The following CRAT variants were observed in gnomAD, a reference collection of about 807,000 sequenced individuals.
The protein encoded by CRAT is carnitine O-acetyltransferase.
Under a neutral mutation model 73.7 loss-of-function variants are expected in CRAT, and 66 were observed. That is an observed-to-expected ratio of 0.90 (90% CI 0.73 to 1.10). The LOEUF is 1.10. CRAT is among the 50% of genes least tolerant of loss of function. CRAT has a pLI of 0.00. For synonymous variants in CRAT, 321 were observed against 343.2 expected (o/e 0.94, Z 0.71); for missense variants, 745 against 846.9 (o/e 0.88, Z 1.49).
chr9:129,104,052 A>G (rs972184550), intron 3 of CRAT, 136 bp downstream of exon 3: 1 of 602,330 alleles, frequency 1.7e-6, no homozygotes. Flanking sequence ...TTTGTAAAAT[A>G]GGGAGGATGC....
At chr9:129,108,107 C>T (rs1848135590) in intron 1 of CRAT, 30 bp from the exon 2 acceptor site, 2 of 1,498,546 alleles carry the variant, frequency 1.3e-6, no homozygotes, top group Admixed American at 2.2e-5. Context: ...CTGTTCATTC[C>T]CTCCCCGGCT....
rs1848013769 is a variant in CRAT, at chr9:129,106,344, G to A, written c.291+1470C>T. Among the ~76,000 whole-genome samples, 1 of 152,184 alleles carries A rather than the reference G, an allele frequency of 6.6e-6. No individual in the cohort carries two copies. Among genetic ancestry groups the A allele is most frequent in the Admixed American group, 6.5e-5 (1 of 15,274 alleles). ...CTCATCTGTAGATCAGTGAAGGGCA[G>A]ACAGGAGCTTCCTTCCCTTGGGGAA... On this transcript the variant is annotated intron_variant, in intron 2 of 13. Coordinates refer to ENST00000318080, the MANE Select transcript of CRAT (RefSeq NM_000755.5). The surrounding 1 kb of genome is among the most constrained non-coding windows in gnomAD (Gnocchi z 4.0).
intron 12 of CRAT, among the ~76,000 whole-genome samples, chr9:129,096,733 A>C (rs1237984785): frequency 6.6e-6 from 1 of 152,246 alleles, no homozygotes; most frequent in Non-Finnish European, 1.5e-5. Flanking sequence ...ACCTGGAACC[A>C]AGGCAGTTAC....
chr9:129,108,233 G>A (rs2131497586), intron 1 of CRAT, among the ~76,000 whole-genome samples, 156 bp from the exon 2 acceptor site: 1 of 152,252 alleles, frequency 6.6e-6, no homozygotes, highest in East Asian at 1.9e-4. Flanking sequence ...AGAGCTCTAG[G>A]TGTCCCCGCC....
At position 129,110,385 on chromosome 9, in the gene CRAT, G is replaced by C. The variant is rs1353367402; in HGVS notation, c.27+98C>G. 6.9e-6 allele frequency: 9 copies of C among 1,306,582 alleles called. No homozygotes were observed. The highest frequency in any genetic ancestry group is 3.0e-5 in the South Asian group (2 of 67,282). 80.9% of individuals were successfully genotyped at this position (1,306,582 alleles called of 1,614,324 possible). ...CACCCCATCAGCTGGAGGCCGGGTC[G>C]AACAGCGGCCGCAGGACGCGGTCTC... On this transcript the variant is annotated intron_variant, in intron 1 of 13. Transcript: ENST00000318080. The surrounding 1 kb of genome is among the most constrained non-coding windows in gnomAD (Gnocchi z 5.3).
Position 129,101,921 on chromosome 9 carries a change from C to T in CRAT, c.767G>A (p.Arg256His), listed in dbSNP as rs202114201. 3.2e-5 allele frequency: 51 copies of T among 1,614,112 alleles called. No individual in the cohort carries two copies. The East Asian group carries it at 8.5e-4, about 27-fold the overall frequency. Residue 256 changes from arginine (R) to histidine (H), a missense_variant, in exon 6 of 14, where the codon CGC (arginine) becomes CAC (histidine). By Grantham distance (29) the Arg-to-His change is conservative. Coordinates refer to ENST00000318080, the MANE Select transcript of CRAT (RefSeq NM_000755.5). Reference sequence around the variant, plus strand: ...GTTGTATGCCTTGGCCCAGGAGTTGCGGTGGTTGGAGGTGAGGATGCCCAC... The same window carrying T: ...GTTGTATGCCTTGGCCCAGGAGTTGTGGTGGTTGGAGGTGAGGATGCCCAC... The part of the protein sequence containing the change: ...EPVGILTSNH[R>H]NSWAKAYNTL...
intron 8 of CRAT, among the ~76,000 whole-genome samples, chr9:129,099,046 C>T (rs1431013609): frequency 6.6e-6 from 1 of 151,744 alleles, no homozygotes; most frequent in Non-Finnish European, 1.5e-5. Flanking sequence ...ACGATCTCGG[C>T]TCACTGCAAC....
chr9:129,102,466 G>T lies in CRAT; in HGVS notation c.564C>A (p.Asp188Glu). 1.9e-6 allele frequency: 3 copies of T among 1,614,200 alleles called. No homozygotes were observed. The highest frequency in any genetic ancestry group is 2.5e-6 in the Non-Finnish European group (3 of 1,180,022). Reference protein sequence around the residue: ...SSCRVPGPKQDTVSNFSKTKK... With the variant: ...SSCRVPGPKQETVSNFSKTKK... The stretch of plus-strand genomic sequence containing the variant: ...TGGTCTTGCTGAAGTTGCTGACTGT[G>T]TCCTGCTTGGGGCCCGGCACTCGGC... The change falls in exon 5 of 14, where the codon GAC (aspartate) becomes GAA (glutamate). Residue 188 changes from aspartate to glutamate, a missense_variant. Asp to Glu is a conservative substitution (Grantham distance 45). Coordinates refer to ENST00000318080, the MANE Select transcript of CRAT (RefSeq NM_000755.5).
chr9:129,109,901 GGT>G (rs1564174000), intron 1 of CRAT, among the ~76,000 whole-genome samples: 3 of 151,482 alleles, frequency 2.0e-5, no homozygotes, highest in African/African-American at 7.3e-5. Flanking sequence ...ATATAGCCAG[GGT>G]GGGGAAGGGG....
At position 129,098,530 on chromosome 9, in the gene CRAT, C is replaced by T; in HGVS notation, c.1205+1G>A. On this transcript the variant is annotated splice_donor_variant, in intron 9 of 13. Transcript: ENST00000318080. LOFTEE classifies it high-confidence loss of function. Reference sequence around the variant, plus strand: ...CAGGGATGGCGGGGGCAGGCACTTACATGCTGAGGTTCTGCTTGGCCTTCT... The same window carrying T: ...CAGGGATGGCGGGGGCAGGCACTTATATGCTGAGGTTCTGCTTGGCCTTCT... 6.2e-7 allele frequency: 1 copy of T among 1,607,026 alleles called. No individual in the cohort carries two copies. The highest frequency in any genetic ancestry group is 8.5e-7 in the Non-Finnish European group (1 of 1,177,552).
rs1847806055 is a variant in CRAT, at chr9:129,103,298, G to GC, written c.411-233dup. ...GGGAGGGCTCGGGGAAGTGCTGGTG[G>GC]CCAAGGGCCTAGTAGGACTTGGGTG... On this transcript the variant is annotated intron_variant, in intron 3 of 13. Transcript: ENST00000318080. This position sits in a 1 kb window ranked among gnomAD's most constrained non-coding sequence, Gnocchi z 4.6. Among the ~76,000 whole-genome samples, 1 of 152,202 alleles carries GC rather than the reference G, an allele frequency of 6.6e-6. No homozygotes were observed. Among genetic ancestry groups the GC allele is most frequent in the Admixed American group, 6.5e-5 (1 of 15,278 alleles).
At position 129,107,181 on chromosome 9, in the gene CRAT, G is replaced by A. The variant is rs144296473; in HGVS notation, c.291+633C>T. On this transcript the variant is annotated intron_variant, in intron 2 of 13. Coordinates refer to ENST00000318080, the MANE Select transcript of CRAT (RefSeq NM_000755.5). The surrounding 1 kb of genome is among the most constrained non-coding windows in gnomAD (Gnocchi z 5.0). ...CCCCAGTATCTGGGATTACAGGTGC[G>A]TGCCACTACGCCTGGCTAATTTTTG... 1.5e-3 allele frequency among the ~76,000 whole-genome samples: 221 copies of A among 152,172 alleles called. 1 individual carries two copies. The highest frequency in any genetic ancestry group is 2.2e-3 in the Non-Finnish European group (148 of 67,996).
Position 129,107,415 on chromosome 9 carries a change from T to G in CRAT, c.291+399A>C. 1 of 575,502 alleles carries G rather than the reference T, an allele frequency of 1.7e-6. No individual in the cohort carries two copies. The allele number at this position is 575,502 out of a possible 1,614,324, so 35.6% of individuals were successfully genotyped here. A position where few individuals can be genotyped will look rare whatever the true frequency, so the allele number is the denominator to read the frequency against. ...ATTGGTGTAGACATATTTGCCAAAC[T>G]GGGTACACCTGTGTCATAGATCAGA... On this transcript the variant is annotated intron_variant, in intron 2 of 13. Coordinates refer to ENST00000318080, the MANE Select transcript of CRAT (RefSeq NM_000755.5). This position sits in a 1 kb window ranked among gnomAD's most constrained non-coding sequence, Gnocchi z 5.0.
In CRAT at chr9:129,094,994, G is replaced by A. The variant is rs1847185588; in HGVS notation, c.*403C>T. 9.2e-6 allele frequency: 2 copies of A among 216,648 alleles called. No individual in the cohort carries two copies. The highest frequency in any genetic ancestry group is 1.6e-4 in the South Asian group (2 of 12,226). The allele number at this position is 216,648 out of a possible 1,614,324, so 13.4% of individuals were successfully genotyped here. A position where few individuals can be genotyped will look rare whatever the true frequency, so the allele number is the denominator to read the frequency against. On this transcript the variant is annotated 3_prime_UTR_variant, in exon 14 of 14. Coordinates refer to ENST00000318080, the MANE Select transcript of CRAT (RefSeq NM_000755.5). ...CCTGTCTCCAGGTCCTGGGAGTTTG[G>A]GAAGCAGGGTACAGATGGTGGCCTG...
At chr9:129,105,878 G>A (rs1283041353) in intron 2 of CRAT, among the ~76,000 whole-genome samples, 1 of 152,116 alleles carries the variant, frequency 6.6e-6, no homozygotes, top group Non-Finnish European at 1.5e-5. Flanking sequence ...CTGGGCACCA[G>A]CCAGGGATGT....
At chr9:129,097,991 A>G (rs1167935816) in intron 11 of CRAT, 22 bp downstream of exon 11, 1 of 1,608,824 alleles carries the variant, frequency 6.2e-7, no homozygotes, top group Non-Finnish European at 8.5e-7. Context: ...CAGCTCACCC[A>G]CCCTCGCCCC....
At chr9:129,099,765 G>A in intron 8 of CRAT, 101 bp downstream of exon 8, 1 of 944,482 alleles carries the variant, frequency 1.1e-6, no homozygotes, top group Non-Finnish European at 1.6e-6. Flanking sequence ...AGATTCCCAG[G>A]CACAAAGGAG....
Position 129,108,184 on chromosome 9 carries a change from C to T in CRAT, c.28-107G>A, listed in dbSNP as rs17481672. 1.2e-3 allele frequency: 1,679 copies of T among 1,383,196 alleles called. 32 individuals carry two copies. The East Asian group carries it at 0.031, about 25-fold the overall frequency. 85.7% of individuals were successfully genotyped at this position (1,383,196 alleles called of 1,614,324 possible). ...AAGTGCCCATCCCTGGGGGCAGAGA[C>T]GGCCTCTTGGGTGGGGCTGGCCCTG... is the stretch of plus-strand genomic sequence containing the variant. On this transcript the variant is annotated intron_variant, in intron 1 of 13. Transcript: ENST00000318080.
intron 5 of CRAT, 104 bp from the exon 6 acceptor site, chr9:129,102,161 G>A: frequency 7.3e-7 from 1 of 1,372,018 alleles, no homozygotes; most frequent in Non-Finnish European, 1.0e-6. Flanking sequence ...GCCTTGGAGG[G>A]GATGGAGTCA....
Sources: allele counts gnomAD v4.1 joint callset (sites outside exome capture counted in the v4.1 genomes callset), GRCh38; gene constraint gnomAD v4.1.1; non-coding constraint Gnocchi (gnomAD v3.1); transcripts MANE v1.5; gene names NCBI Gene and HGNC (gene_info 2026-07-23, HGNC 2026-07-21).